Variants in MSRB3 observed in about 807,000 individuals in gnomAD.
The protein encoded by MSRB3 is methionine-R-sulfoxide reductase B3.
MSRB3 carries 13 observed loss-of-function variants against 21.0 expected under a neutral mutation model. The ratio of observed to expected loss-of-function variants is 0.62; its 90% CI spans 0.40 to 0.98. The LOEUF (loss-of-function observed/expected upper bound fraction) is 0.98. MSRB3 is among the 50% of genes least tolerant of loss of function. The pLI is 0.00. For synonymous variants in MSRB3, 87 were observed against 88.6 expected (o/e 0.98, Z 0.10); for missense variants, 199 against 230.3 (o/e 0.86, Z 0.88).
intron 2 of MSRB3, among the ~76,000 whole-genome samples, chr12:65,321,421 G>T (rs1334341326): frequency 1.3e-5 from 2 of 152,108 alleles, no homozygotes; most frequent in Non-Finnish European, 2.9e-5. Context: ...TGGATCAGTG[G>T]TCCTCAAAGT....
intron 5 of MSRB3, among the ~76,000 whole-genome samples, chr12:65,385,822 T>G (rs1364049341): frequency 6.6e-6 from 1 of 152,000 alleles, no homozygotes; most frequent in Non-Finnish European, 1.5e-5. Context: ...TTTCTTTCCT[T>G]TAGTTGGATT....
chr12:65,294,714 T>A (rs1392828946), intron 1 of MSRB3, among the ~76,000 whole-genome samples: 1 of 152,206 alleles, frequency 6.6e-6, no homozygotes, highest in African/African-American at 2.4e-5. Flanking sequence ...TCATTTATAT[T>A]TTATGTTATG....
intron 5 of MSRB3, among the ~76,000 whole-genome samples, chr12:65,435,393 C>T (rs1159720038): frequency 6.6e-6 from 1 of 151,820 alleles, no homozygotes; most frequent in African/African-American, 2.4e-5. Context: ...GTTTATTTAG[C>T]CATTTCTATA....
intron 5 of MSRB3, among the ~76,000 whole-genome samples, chr12:65,445,794 C>T (rs1185393486): frequency 6.6e-6 from 1 of 151,768 alleles, no homozygotes; most frequent in East Asian, 1.9e-4. Context: ...TAGAGGCATG[C>T]ACCACCATGC....
intron 5 of MSRB3, among the ~76,000 whole-genome samples, chr12:65,429,750 C>A (rs760166863): frequency 3.3e-5 from 5 of 152,070 alleles, no homozygotes; most frequent in Non-Finnish European, 7.4e-5. Context: ...TATGAGTAGG[C>A]CTTTAACAAC....
chr12:65,344,628 C>G (rs1465261875), intron 4 of MSRB3, among the ~76,000 whole-genome samples: 1 of 151,912 alleles, frequency 6.6e-6, no homozygotes, highest in Non-Finnish European at 1.5e-5. Context: ...CCCACCAAGA[C>G]AGCTTTGTAA....
chr12:65,296,357 G>A (rs899932461), intron 1 of MSRB3, among the ~76,000 whole-genome samples: 1 of 152,036 alleles, frequency 6.6e-6, no homozygotes, highest in Non-Finnish European at 1.5e-5. Flanking sequence ...TTTAAACTTC[G>A]TCTTACTTTT....
At chr12:65,290,961 C>T (rs1872631907) in intron 1 of MSRB3, among the ~76,000 whole-genome samples, 1 of 152,182 alleles carries the variant, frequency 6.6e-6, no homozygotes, top group African/African-American at 2.4e-5. Context: ...ACCCAAACCC[C>T]TCAAATTACA....
intron 5 of MSRB3, among the ~76,000 whole-genome samples, chr12:65,433,067 C>T (rs937487431): frequency 6.6e-6 from 1 of 151,822 alleles, no homozygotes; most frequent in African/African-American, 2.4e-5. Context: ...TATGTCAGTT[C>T]CTCAAAAAAT....
intron 5 of MSRB3, 144 bp downstream of exon 5, chr12:65,369,170 G>A: frequency 1.6e-6 from 1 of 641,088 alleles, no homozygotes; most frequent in Non-Finnish European, 2.8e-6. Context: ...TCAAAGCAGG[G>A]CTATTGACTG....
chr12:65,344,432 G>C (rs1876351588), intron 4 of MSRB3, among the ~76,000 whole-genome samples: 1 of 151,968 alleles, frequency 6.6e-6, no homozygotes, highest in Non-Finnish European at 1.5e-5. Flanking sequence ...AAACTCAGGA[G>C]ACAATGGATA....
chr12:65,369,752 G>A (rs1878216975), intron 5 of MSRB3, among the ~76,000 whole-genome samples: 1 of 152,110 alleles, frequency 6.6e-6, no homozygotes, highest in South Asian at 2.1e-4. Context: ...AATTACGTAT[G>A]CCCTTTGGTA....
chr12:65,328,746 G>C, intron 4 of MSRB3, 143 bp downstream of exon 4: 1 of 690,026 alleles, frequency 1.4e-6, no homozygotes, highest in South Asian at 1.6e-5. Context: ...CAAAACAAAA[G>C]TAATTATTGA....
chr12:65,280,936 T>C (rs985689174), intron 1 of MSRB3, among the ~76,000 whole-genome samples: 1 of 152,160 alleles, frequency 6.6e-6, no homozygotes, highest in African/African-American at 2.4e-5. Context: ...TAATTAAAAA[T>C]AGATTTTAAG....
chr12:65,332,887 A>G (rs1029626386), intron 4 of MSRB3, among the ~76,000 whole-genome samples: 10 of 152,232 alleles, frequency 6.6e-5, no homozygotes, highest in Non-Finnish European at 1.3e-4. Context: ...AACCTCATTC[A>G]CAGCCTTCTT....
chr12:65,376,340 C>G (rs1245896076), intron 5 of MSRB3, among the ~76,000 whole-genome samples: 1 of 152,060 alleles, frequency 6.6e-6, no homozygotes, highest in African/African-American at 2.4e-5. Context: ...AGGATGGCCT[C>G]TATCTCCTGA....
chr12:65,330,286 G>T (rs1875325461), intron 4 of MSRB3, among the ~76,000 whole-genome samples: 1 of 152,110 alleles, frequency 6.6e-6, no homozygotes, highest in Non-Finnish European at 1.5e-5. Flanking sequence ...GATGCTAGTG[G>T]GAGTCAGGTT....
chr12:65,280,081 G>T (rs1871920696), intron 1 of MSRB3, among the ~76,000 whole-genome samples: 1 of 152,058 alleles, frequency 6.6e-6, no homozygotes, highest in Non-Finnish European at 1.5e-5. Context: ...TTGCAGCGCT[G>T]GTGGCAAGAT....
intron 2 of MSRB3, 37 bp from the exon 3 acceptor site, chr12:65,326,789 A>G: frequency 1.3e-6 from 2 of 1,539,478 alleles, no homozygotes; most frequent in Non-Finnish European, 9.0e-7. Context: ...GATTCAAGCT[A>G]AAAAGGCTTC....
Sources: gnomAD v4.1 joint callset for allele counts (sites outside exome capture counted in the v4.1 genomes callset) on GRCh38, gnomAD v4.1.1 for gene constraint, MANE v1.5 for transcripts, NCBI Gene and HGNC (gene_info 2026-07-23, HGNC 2026-07-21) for gene names.